The following TASOR variants were observed in gnomAD, a reference collection of about 807,000 sequenced individuals.
TASOR encodes the protein protein TASOR.
In TASOR, 53 loss-of-function variants were observed where a neutral mutation model predicts 178.6. The observed-to-expected ratio is 0.30, with a 90% CI of 0.24 to 0.37. The LOEUF is 0.37. Among genes scored for constraint, TASOR ranks in the 10% least tolerant of loss-of-function variants. TASOR has a pLI of 1.00. For missense variants in TASOR, 1,815 were observed against 1,971.4 expected (o/e 0.92, Z 1.50); for synonymous variants, 713 against 696.2 (o/e 1.02, Z -0.38).
chr3:56,623,737 TGA>T, intron 23 of TASOR, 171 bp from the exon 24 acceptor site: 1 of 1,550,576 alleles, frequency 6.4e-7, no homozygotes, highest in South Asian at 1.2e-5. Flanking sequence ...ACACTAGATG[TGA>T]ATGTCCAGAT....
chr3:56,681,811 T>TA (rs1356433401), intron 1 of TASOR, among the ~76,000 whole-genome samples: 4 of 152,200 alleles, frequency 2.6e-5, no homozygotes, highest in African/African-American at 9.6e-5. Flanking sequence ...ATATTAACAA[T>TA]ATGGCATTAA....
chr3:56,682,866 G>T lies in TASOR; in HGVS notation c.141C>A (p.Asn47Lys), dbSNP rs1164195692. ...SQQNGGGGGLNIAEPSGGAGR... is the reference protein window; with the variant it reads ...SQQNGGGGGLKIAEPSGGAGR... ...CAGCGCCGCCGCTGGGCTCAGCGAT[G>T]TTGAGGCCGCCGCCGCCGCCATTTT... Residue 47 changes from asparagine (N) to lysine (K), a missense_variant, in exon 1 of 24, where the codon AAC becomes AAA. Coordinates refer to ENST00000683822, the MANE Select transcript of TASOR (RefSeq NM_001365635.2). 1 of 1,549,610 alleles carries T rather than the reference G, an allele frequency of 6.5e-7. No homozygotes were observed. The highest frequency in any genetic ancestry group is 1.4e-5 in the African/African-American group (1 of 72,774).
Position 56,624,653 on chromosome 3 carries a change from G to A in TASOR, c.4319-10C>T. On this transcript the variant is annotated splice_polypyrimidine_tract_variant and intron_variant, in intron 22 of 23. Transcript: ENST00000683822. The stretch of plus-strand genomic sequence containing the variant: ...ATCTTGATGTTCTTCTCTAAATTAA[G>A]AAAAAAAGTTTCATGTATGAAACAC... 1 of 1,600,162 alleles carries A rather than the reference G, an allele frequency of 6.2e-7. No individual in the cohort carries two copies. The highest frequency in any genetic ancestry group is 1.8e-5 in the Admixed American group (1 of 55,982).
chr3:56,655,561 G>A (rs2077452700), intron 11 of TASOR, among the ~76,000 whole-genome samples: 1 of 152,022 alleles, frequency 6.6e-6, no homozygotes, highest in Non-Finnish European at 1.5e-5. Context: ...AAGGCCAGGA[G>A]TTTGAGACAA....
chr3:56,621,393 C>A lies in TASOR; in HGVS notation c.*1644G>T. 1 of 530,898 alleles carries A rather than the reference C, an allele frequency of 1.9e-6. No individual in the cohort carries two copies. The allele number at this position is 530,898 out of a possible 1,614,324, so 32.9% of individuals were successfully genotyped here. ...TCCAAATGAGGTGGTCTAGTACAAG[C>A]ATTTCTGAAAAAATTTTTGAATGAC... On this transcript the variant is annotated 3_prime_UTR_variant, in exon 24 of 24. Transcript: ENST00000683822.
intron 1 of TASOR, among the ~76,000 whole-genome samples, chr3:56,674,850 G>A (rs888999609): frequency 3.3e-5 from 5 of 152,114 alleles, no homozygotes; most frequent in African/African-American, 9.7e-5. Context: ...ATGGAGTCTC[G>A]CTCTGTCACC....
Position 56,647,362 on chromosome 3 carries a change from A to G in TASOR, c.1514-139T>C, listed in dbSNP as rs1578232086. The stretch of plus-strand genomic sequence containing the variant: ...GAACCAGACGAGTATGTACCCTAGT[A>G]CATATATACAATATAGCAAATATAT... On this transcript the variant is annotated intron_variant, in intron 13 of 23. Coordinates refer to ENST00000683822, the MANE Select transcript of TASOR (RefSeq NM_001365635.2). 12 of 577,668 alleles carry G rather than the reference A, an allele frequency of 2.1e-5. No individual in the cohort carries two copies. The East Asian group carries it at 3.7e-4, about 18-fold the overall frequency. The allele number at this position is 577,668 out of a possible 1,614,324, so 35.8% of individuals were successfully genotyped here.
At chr3:56,654,379 AGCTGTGGCAGGGGTGG>A (rs2077424058) in intron 11 of TASOR, among the ~76,000 whole-genome samples, 1 of 85,552 alleles carries the variant, frequency 1.2e-5, no homozygotes, top group Admixed American at 1.8e-4. Flanking sequence ...TTACTTTAAA[AGCTGTGGCAGGGGTGG>A]GCGGGGTTGG....
chr3:56,626,293 AT>A (rs1459060631), intron 21 of TASOR, among the ~76,000 whole-genome samples: 1 of 152,202 alleles, frequency 6.6e-6, no homozygotes, highest in Non-Finnish European at 1.5e-5. Flanking sequence ...CATTTTAGAA[AT>A]TATCTATGTA....
intron 1 of TASOR, among the ~76,000 whole-genome samples, chr3:56,674,616 G>T (rs1480124247): frequency 6.6e-6 from 1 of 152,104 alleles, no homozygotes; most frequent in Non-Finnish European, 1.5e-5. Flanking sequence ...AAAACATGTG[G>T]GGCTTTAGAG....
At chr3:56,649,469 TA>T (rs1398250127) in intron 11 of TASOR, among the ~76,000 whole-genome samples, 3 of 152,234 alleles carry the variant, frequency 2.0e-5, no homozygotes, top group Non-Finnish European at 4.4e-5. Flanking sequence ...GAGTTCAGAC[TA>T]ATCACAAACC....
At chr3:56,675,401 C>A (rs2031197987) in intron 1 of TASOR, among the ~76,000 whole-genome samples, 1 of 149,302 alleles carries the variant, frequency 6.7e-6, no homozygotes, top group Non-Finnish European at 1.5e-5. Context: ...GGTCTCGAAC[C>A]CCTGACCTCA....
At chr3:56,643,649 G>A (rs541437108) in intron 14 of TASOR, among the ~76,000 whole-genome samples, 10 of 152,084 alleles carry the variant, frequency 6.6e-5, no homozygotes, top group Non-Finnish European at 1.2e-4. Flanking sequence ...CAGCTACTCG[G>A]GAGGCTGAGG....
In TASOR at chr3:56,621,610, T is replaced by A; in HGVS notation, c.*1427A>T. ...AAATCAAGAAGAGAGTTTTGGTTCTTCATTTTAAATGTAGAAAATCAAATC... is the reference window on the plus strand; with the variant it reads ...AAATCAAGAAGAGAGTTTTGGTTCTACATTTTAAATGTAGAAAATCAAATC... On this transcript the variant is annotated 3_prime_UTR_variant, in exon 24 of 24. Transcript: ENST00000683822. The A allele has an allele frequency of 6.3e-7, 1 of 1,593,938 alleles. No individual in the cohort carries two copies. Among genetic ancestry groups the A allele is most frequent in the Non-Finnish European group, 8.6e-7 (1 of 1,169,544 alleles).
intron 11 of TASOR, among the ~76,000 whole-genome samples, chr3:56,656,636 T>G (rs2077476476): frequency 6.8e-6 from 1 of 147,070 alleles, no homozygotes; most frequent in Admixed American, 6.9e-5. Flanking sequence ...TACAAAAGCA[T>G]CAAAAAATGT....
Position 56,621,522 on chromosome 3 carries a change from G to C in TASOR, c.*1515C>G. ...ATTTTACTAACAAACATATATCAATGTGATTTCAGGGCCTTCTCCAGAAGC... is the reference window on the plus strand; with the variant it reads ...ATTTTACTAACAAACATATATCAATCTGATTTCAGGGCCTTCTCCAGAAGC... On this transcript the variant is annotated 3_prime_UTR_variant, in exon 24 of 24. Coordinates refer to ENST00000683822, the MANE Select transcript of TASOR (RefSeq NM_001365635.2). 1 of 1,566,362 alleles carries C rather than the reference G, an allele frequency of 6.4e-7. No homozygotes were observed. Among genetic ancestry groups the C allele is most frequent in the Non-Finnish European group, 8.7e-7 (1 of 1,153,820 alleles).
At chr3:56,666,214 A>G (rs977006325) in intron 7 of TASOR, 46 bp downstream of exon 7, 4 of 1,455,560 alleles carry the variant, frequency 2.7e-6, no homozygotes, top group Non-Finnish European at 3.6e-6. Context: ...CAGGATCTGT[A>G]GTAGAATTAT....
intron 2 of TASOR, among the ~76,000 whole-genome samples, 164 bp from the exon 3 acceptor site, chr3:56,671,856 C>T (rs546545607): frequency 2.1e-4 from 32 of 152,120 alleles, no homozygotes; most frequent in Admixed American, 7.9e-4. Flanking sequence ...TTTTAACTGG[C>T]TCTTTATATA....
chr3:56,623,755 G>A (rs998252721), intron 23 of TASOR, 189 bp from the exon 24 acceptor site: 2 of 1,549,088 alleles, frequency 1.3e-6, no homozygotes, highest in Non-Finnish European at 8.7e-7. Context: ...CAGATAATCC[G>A]ATGCTAAAAG....
Sources: gnomAD v4.1 joint callset for allele counts (sites outside exome capture counted in the v4.1 genomes callset) on GRCh38, gnomAD v4.1.1 for gene constraint, MANE v1.5 for transcripts, NCBI Gene and HGNC (gene_info 2026-07-23, HGNC 2026-07-21) for gene names.